EYS: variants seen among roughly 807,000 people sequenced by gnomAD.
EYS encodes the protein protein eyes shut homolog.
EYS carries 250 observed loss-of-function variants against 282.1 expected under a neutral mutation model. That is an observed-to-expected ratio of 0.89 (90% CI 0.80 to 0.98). The LOEUF is 0.98. EYS is among the 50% of genes least tolerant of loss of function. The pLI is 0.00. For synonymous variants in EYS, 1,355 were observed against 1,282.9 expected (o/e 1.06, Z -1.20); for missense variants, 4,016 against 3,709.0 (o/e 1.08, Z -2.15).
chr6:63,753,178 T>A (rs990331200), intron 41 of EYS, among the ~76,000 whole-genome samples: 2 of 141,812 alleles, frequency 1.4e-5, no homozygotes, highest in African/African-American at 2.8e-5. Flanking sequence ...GTATATATAT[T>A]TTTTACAGTG....
At chr6:64,032,499 G>A (rs544237113) in intron 33 of EYS, among the ~76,000 whole-genome samples, 21 of 152,306 alleles carry the variant, frequency 1.4e-4, no homozygotes, top group Admixed American at 9.1e-4. Flanking sequence ...CAAACTGAGC[G>A]TCCTACAATT....
chr6:64,969,087 C>A (rs995347478), intron 14 of EYS, among the ~76,000 whole-genome samples: 1 of 150,576 alleles, frequency 6.6e-6, no homozygotes, highest in African/African-American at 2.4e-5. Flanking sequence ...CAACTCCTTG[C>A]GTGAAAAAAA....
chr6:64,028,146 G>T (rs1360069004), intron 33 of EYS, among the ~76,000 whole-genome samples: 1 of 152,132 alleles, frequency 6.6e-6, no homozygotes, highest in Non-Finnish European at 1.5e-5. Context: ...CATGAATATG[G>T]GGAACAAGTT....
chr6:65,679,329 T>G (rs1256592635), intron 1 of EYS, among the ~76,000 whole-genome samples: 1 of 151,966 alleles, frequency 6.6e-6, no homozygotes, highest in East Asian at 1.9e-4. Context: ...TGTATGTAAG[T>G]GTATGTATAA....
chr6:64,334,543 T>C (rs1360283652), intron 29 of EYS, among the ~76,000 whole-genome samples: 1 of 152,026 alleles, frequency 6.6e-6, no homozygotes, highest in Non-Finnish European at 1.5e-5. Context: ...ACAAGATGGG[T>C]CATGAGGATG....
chr6:64,927,700 A>C (rs981707468), intron 15 of EYS, among the ~76,000 whole-genome samples: 2 of 152,102 alleles, frequency 1.3e-5, no homozygotes, highest in Admixed American at 6.6e-5. Flanking sequence ...CAACTGATCT[A>C]TATAATTTTT....
chr6:64,396,974 A>T (rs1345100426), intron 28 of EYS, among the ~76,000 whole-genome samples: 1 of 151,822 alleles, frequency 6.6e-6, no homozygotes, highest in East Asian at 1.9e-4. Flanking sequence ...ATTGGTTCAT[A>T]TTTCTACCTT....
At chr6:65,602,885 G>A (rs559636819) in intron 2 of EYS, among the ~76,000 whole-genome samples, 1 of 151,912 alleles carries the variant, frequency 6.6e-6, no homozygotes, top group Non-Finnish European at 1.5e-5. Context: ...ATTTACATTT[G>A]TTGTCCTAAC....
chr6:65,284,851 A>G (rs1768316885), intron 12 of EYS, among the ~76,000 whole-genome samples: 1 of 152,082 alleles, frequency 6.6e-6, no homozygotes, highest in African/African-American at 2.4e-5. Flanking sequence ...AGCTTAGATC[A>G]TCCTATAACT....
intron 11 of EYS, among the ~76,000 whole-genome samples, chr6:65,297,328 T>C (rs73741289): frequency 0.055 from 8,324 of 151,998 alleles, 259 homozygotes; most frequent in South Asian, 0.089. Flanking sequence ...TTGCTTGTTA[T>C]TATTAATAAA....
chr6:64,831,271 T>C lies in EYS; in HGVS notation c.2993-8449A>G, dbSNP rs922242551. On this transcript the variant is annotated intron_variant, in intron 19 of 42. Coordinates refer to ENST00000503581, the MANE Select transcript of EYS (RefSeq NM_001142800.2). ...AACTTAGGAAAAAATGTTGAAAGTG[T>C]ATGAAGTAGTTACTAGGAAAATGTA... Among the ~76,000 whole-genome samples, 4 of 152,012 alleles carry C rather than the reference T, an allele frequency of 2.6e-5. No individual in the cohort carries two copies. In the South Asian group the frequency reaches 6.2e-4, roughly 24 times the overall value.
intron 12 of EYS, among the ~76,000 whole-genome samples, chr6:65,069,921 T>C (rs1452021029): frequency 6.6e-6 from 1 of 151,842 alleles, no homozygotes; most frequent in Non-Finnish European, 1.5e-5. Context: ...TCTAATCCTG[T>C]TTTTCAGTAA....
At chr6:65,408,165 A>T (rs1368713137) in intron 5 of EYS, among the ~76,000 whole-genome samples, 2 of 152,072 alleles carry the variant, frequency 1.3e-5, no homozygotes, top group Non-Finnish European at 2.9e-5. Flanking sequence ...AGAAAAAAAT[A>T]TGTTTATATG....
intron 22 of EYS, among the ~76,000 whole-genome samples, chr6:64,716,255 G>T (rs543705133): frequency 7.2e-5 from 11 of 152,122 alleles, no homozygotes; most frequent in African/African-American, 9.7e-5. Flanking sequence ...CATGGTAGCC[G>T]CTCCATCCAT....
chr6:64,878,439 A>G (rs993668081), intron 19 of EYS, among the ~76,000 whole-genome samples: 1 of 152,182 alleles, frequency 6.6e-6, no homozygotes, highest in African/African-American at 2.4e-5. Flanking sequence ...TGAAACTTCA[A>G]TAGAGAAAGG....
intron 2 of EYS, among the ~76,000 whole-genome samples, chr6:65,546,543 TA>T (rs1768395672): frequency 1.3e-5 from 2 of 148,224 alleles, no homozygotes; most frequent in Non-Finnish European, 3.0e-5. Flanking sequence ...CATTCATTTG[TA>T]TTTTTTTATT....
chr6:65,618,371 A>G (rs975779496), intron 2 of EYS, among the ~76,000 whole-genome samples: 2 of 152,292 alleles, frequency 1.3e-5, no homozygotes, highest in Non-Finnish European at 2.9e-5. Context: ...GTGTCTGTTC[A>G]TGTCCTTCGC....
chr6:63,804,356 C>T (rs952461492), intron 37 of EYS, among the ~76,000 whole-genome samples: 5 of 152,122 alleles, frequency 3.3e-5, no homozygotes, highest in African/African-American at 1.2e-4. Flanking sequence ...GTATTAAGTT[C>T]GTTATTCCTC....
At chr6:64,038,543 T>A (rs1342320241) in intron 33 of EYS, among the ~76,000 whole-genome samples, 4 of 152,046 alleles carry the variant, frequency 2.6e-5, no homozygotes, top group African/African-American at 9.7e-5. Flanking sequence ...ACTATCAAAA[T>A]CCAGTACTTC....
Sources: allele counts gnomAD v4.1 joint callset (sites outside exome capture counted in the v4.1 genomes callset), GRCh38; gene constraint gnomAD v4.1.1; transcripts MANE v1.5; gene names NCBI Gene and HGNC (gene_info 2026-07-23, HGNC 2026-07-21).